FSTL4: variants seen among roughly 807,000 people sequenced by gnomAD.
FSTL4 encodes the protein follistatin-related protein 4.
FSTL4 carries 28 observed loss-of-function variants against 78.2 expected under a neutral mutation model. The observed-to-expected ratio is 0.36, with a 90% CI of 0.27 to 0.49. The LOEUF is 0.49. FSTL4 is among the 20% of genes least tolerant of loss of function. The pLI is 0.98. For missense variants in FSTL4, 922 were observed against 1,084.9 expected, an observed-to-expected ratio of 0.85 and a Z score of 2.11; for synonymous variants, 422 against 440.5, an observed-to-expected ratio of 0.96 and a Z score of 0.53.
the FSTL4 span, among the ~76,000 whole-genome samples, chr5:133,768,697 T>C: frequency 1.3e-5 from 2 of 152,234 alleles, no homozygotes; most frequent in Non-Finnish European, 2.9e-5. Context: ...CTGGAAGATC[T>C]GCTGTGCAGG....
At chr5:133,616,163 T>C (rs1032220992), upstream of FSTL4, among the ~76,000 whole-genome samples, 6 of 152,124 alleles carry the variant, frequency 3.9e-5, no homozygotes, top group African/African-American at 1.2e-4. Context: ...CTACTGAGTA[T>C]AGGCAAAAGG....
At chr5:133,776,288 G>C in the FSTL4 span, among the ~76,000 whole-genome samples, 4 of 152,194 alleles carry the variant, frequency 2.6e-5, no homozygotes, top group Non-Finnish European at 5.9e-5. Flanking sequence ...GTCCCAAGCT[G>C]CCTTTATGCC....
the FSTL4 span, among the ~76,000 whole-genome samples, chr5:133,794,021 G>C: frequency 4.6e-5 from 7 of 152,238 alleles, no homozygotes; most frequent in Non-Finnish European, 1.0e-4. Context: ...AAATGTAGGA[G>C]GCTAATCAAT....
intron 3 of FSTL4, among the ~76,000 whole-genome samples, chr5:133,499,633 T>C (rs1758448353): frequency 6.6e-6 from 1 of 152,144 alleles, no homozygotes; most frequent in Non-Finnish European, 1.5e-5. Flanking sequence ...AGCACACTCT[T>C]ACATGATTTT....
At chr5:133,533,045 T>G (rs1442755568) in intron 3 of FSTL4, among the ~76,000 whole-genome samples, 1 of 152,198 alleles carries the variant, frequency 6.6e-6, no homozygotes, top group East Asian at 1.9e-4. Context: ...CAAACAGCAC[T>G]TCGTGGATTC....
At chr5:133,759,036 GA>G in the FSTL4 span, among the ~76,000 whole-genome samples, 1 of 152,168 alleles carries the variant, frequency 6.6e-6, no homozygotes, top group Non-Finnish European at 1.5e-5. Flanking sequence ...CTGTTCTTTA[GA>G]AGTAAATTGC....
the FSTL4 span, among the ~76,000 whole-genome samples, chr5:133,813,415 T>C: frequency 6.6e-6 from 1 of 152,226 alleles, no homozygotes; most frequent in Non-Finnish European, 1.5e-5. Flanking sequence ...TTTATACACA[T>C]TGAACATCTC....
chr5:133,635,379 T>C, the FSTL4 span, among the ~76,000 whole-genome samples: 1 of 152,232 alleles, frequency 6.6e-6, no homozygotes, highest in Non-Finnish European at 1.5e-5. Context: ...TCCAATTGCT[T>C]CCACAATAAA....
rs1580651676 is a variant in FSTL4, at chr5:133,364,908, C to T, written c.409+35830G>A. ...CAGAGTCATTTTTGATGTTCATCCC[C>T]CTCTTAATCTCCTTAGATTTCTTTT... On this transcript the variant is annotated intron_variant, in intron 4 of 15. Coordinates refer to ENST00000265342, the MANE Select transcript of FSTL4 (RefSeq NM_015082.2). 2.0e-5 allele frequency among the ~76,000 whole-genome samples: 3 copies of T among 152,010 alleles called. No individual in the cohort carries two copies. The South Asian group carries it at 6.2e-4, about 32-fold the overall frequency.
intron 6 of FSTL4, among the ~76,000 whole-genome samples, chr5:133,293,383 A>G (rs545358575): frequency 6.6e-6 from 1 of 152,230 alleles, no homozygotes; most frequent in South Asian, 2.1e-4. Context: ...GTCCTCCTCA[A>G]ACTGACTTTG....
At chr5:133,271,844 G>A (rs1306661706) in intron 6 of FSTL4, among the ~76,000 whole-genome samples, 2 of 152,184 alleles carry the variant, frequency 1.3e-5, no homozygotes, top group Non-Finnish European at 2.9e-5. Flanking sequence ...AGTTTTCTAG[G>A]TCATACAAAA....
the FSTL4 span, among the ~76,000 whole-genome samples, chr5:133,790,820 C>T: frequency 6.6e-6 from 1 of 152,240 alleles, no homozygotes; most frequent in Non-Finnish European, 1.5e-5. Flanking sequence ...AAACCACTTA[C>T]CACCTCCACG....
rs1760607579 is a variant in FSTL4, at chr5:133,590,816, TG to T, written c.126+13041del. On this transcript the variant is annotated intron_variant, in intron 2 of 15. Coordinates refer to ENST00000265342, the MANE Select transcript of FSTL4 (RefSeq NM_015082.2). ...TGTATTGGCTCACAGTTCTGGAGTC[TG>T]GGAAGTCCAAGATTGAGGGGCTGGC... Among the ~76,000 whole-genome samples the T allele has an allele frequency of 3.3e-5, 5 of 152,278 alleles. No individual in the cohort carries two copies. The South Asian group carries it at 8.3e-4, about 25-fold the overall frequency.
intron 3 of FSTL4, among the ~76,000 whole-genome samples, chr5:133,429,349 C>T (rs561165536): frequency 1.3e-5 from 2 of 152,060 alleles, no homozygotes; most frequent in Non-Finnish European, 2.9e-5. Flanking sequence ...ATCATCTCCA[C>T]AACAATCTCA....
At chr5:133,456,412 C>T (rs1397409394) in intron 3 of FSTL4, among the ~76,000 whole-genome samples, 1 of 152,220 alleles carries the variant, frequency 6.6e-6, no homozygotes, top group East Asian at 1.9e-4. Context: ...ACACACTTGG[C>T]TAGTGAGCCC....
At chr5:133,714,534 T>C in the FSTL4 span, among the ~76,000 whole-genome samples, 1 of 152,236 alleles carries the variant, frequency 6.6e-6, no homozygotes. Context: ...ACTCGATGCC[T>C]CTTTGCTGCG....
chr5:133,357,967 T>C (rs1055681750), intron 4 of FSTL4, among the ~76,000 whole-genome samples: 1 of 152,230 alleles, frequency 6.6e-6, no homozygotes, highest in South Asian at 2.1e-4. Flanking sequence ...ACCAGTCGGC[T>C]TGGGCTGGGC....
the FSTL4 span, among the ~76,000 whole-genome samples, chr5:133,701,509 A>ACCCCCC: frequency 4.1e-4 from 54 of 132,676 alleles, no homozygotes; most frequent in South Asian, 1.0e-3. Flanking sequence ...ACACACACAC[A>ACCCCCC]CCCCACAGGC....
chr5:133,465,458 C>T (rs1337556176), intron 3 of FSTL4, among the ~76,000 whole-genome samples: 1 of 152,246 alleles, frequency 6.6e-6, no homozygotes, highest in Non-Finnish European at 1.5e-5. Context: ...GAGGCCAGGT[C>T]CCATGCCACA....
Sources: gnomAD v4.1 joint callset for allele counts (sites outside exome capture counted in the v4.1 genomes callset) on GRCh38, gnomAD v4.1.1 for gene constraint, MANE v1.5 for transcripts, NCBI Gene and HGNC (gene_info 2026-07-23, HGNC 2026-07-21) for gene names.